The following TALDO1 variants were observed in gnomAD, a reference collection of about 807,000 sequenced individuals.
TALDO1 encodes the protein transaldolase 1, also known as transaldolase.
Under a neutral mutation model 38.1 loss-of-function variants are expected in TALDO1, and 29 were observed. The ratio of observed to expected loss-of-function variants is 0.76; its 90% confidence interval spans 0.57 to 1.04. TALDO1 has a LOEUF of 1.04. Ranked by LOEUF, TALDO1 falls within the 50% of genes least tolerant of loss-of-function variation. The probability of loss-of-function intolerance (pLI) is 0.00; values close to 1 mark genes in which losing one functional copy is unlikely to be tolerated. For synonymous variants in TALDO1, 207 were observed against 176.8 expected, an observed-to-expected ratio of 1.17 and a Z score of -1.36; for missense variants, 499 against 438.1, an observed-to-expected ratio of 1.14 and a Z score of -1.24.
intron 4 of TALDO1, among the ~76,000 whole-genome samples, chr11:762,600 C>T (rs190353914): frequency 2.4e-4 from 37 of 152,360 alleles, no homozygotes; most frequent in Admixed American, 2.1e-3. Flanking sequence ...CTGTCCCCCT[C>T]GAACACCCCC....
In TALDO1 at chr11:756,016, C is replaced by G; in HGVS notation, c.221+14C>G. The G allele has an allele frequency of 6.2e-7, 1 of 1,611,116 alleles. No homozygotes were observed. The highest frequency in any genetic ancestry group is 8.5e-7 in the Non-Finnish European group (1 of 1,179,108). On this transcript the variant is annotated intron_variant, in intron 2 of 7. Coordinates refer to ENST00000319006, the MANE Select transcript of TALDO1 (RefSeq NM_006755.2). Reference sequence around the variant, plus strand: ...GAAGCTGGGCGGGTGAGTGCCTGGACTCGGGAGGGTCCCAGCTAGGCCCTC... The same window carrying G: ...GAAGCTGGGCGGGTGAGTGCCTGGAGTCGGGAGGGTCCCAGCTAGGCCCTC...
At chr11:747,827 C>T (rs1862687301) in intron 1 of TALDO1, among the ~76,000 whole-genome samples, 1 of 151,804 alleles carries the variant, frequency 6.6e-6, no homozygotes, top group Admixed American at 6.6e-5. Flanking sequence ...CCGGGTCGGC[C>T]GTGAGGGAGC....
rs140253879 is a variant in TALDO1 at position 754,356 on chromosome 11, A to C, written c.98-1523A>C. Reference sequence around the variant, plus strand: ...GCTTTATAAAAGGGACCACCAGTACAATTTGAACAAAAACTTGGGACATTG... The same window carrying C: ...GCTTTATAAAAGGGACCACCAGTACCATTTGAACAAAAACTTGGGACATTG... On this transcript the variant is annotated intron_variant, in intron 1 of 7. Coordinates refer to ENST00000319006, the MANE Select transcript of TALDO1 (RefSeq NM_006755.2). Among the ~76,000 whole-genome samples, 220 of 152,324 alleles carry C rather than the reference A, an allele frequency of 1.4e-3. 2 individuals carry two copies. Among genetic ancestry groups the C allele is most frequent in the African/African-American group, 5.2e-3 (216 of 41,578 alleles).
chr11:763,178 T>TGG (rs1233202198), intron 4 of TALDO1, among the ~76,000 whole-genome samples, 166 bp from the exon 5 acceptor site: 1 of 136,574 alleles, frequency 7.3e-6, no homozygotes, highest in South Asian at 2.3e-4. Flanking sequence ...GCACCTGGCC[T>TGG]GCATTCACCT....
At position 747,577 on chromosome 11, in the gene TALDO1, C is replaced by T. The variant is rs138714955; in HGVS notation, c.96C>T (p.His32=). Residue 32 remains histidine (H), a splice_region_variant and synonymous_variant, in exon 1 of 8, where the codon CAC becomes CAT. Transcript: ENST00000319006. ...TTVVADTGDF[H]AIDEYKPQDA... ...TGGTGGCCGACACGGGCGACTTCCACGGTGAGGACGGCGCGGAGCCCGGGC... is the reference window on the plus strand; with the variant it reads ...TGGTGGCCGACACGGGCGACTTCCATGGTGAGGACGGCGCGGAGCCCGGGC... 115 of 1,573,420 alleles carry T rather than the reference C, an allele frequency of 7.3e-5. 2 individuals are homozygous for T. In the African/African-American group the frequency reaches 1.2e-3, roughly 16 times the overall value.
At chr11:749,558 A>G (rs1264178081) in intron 1 of TALDO1, among the ~76,000 whole-genome samples, 1 of 152,178 alleles carries the variant, frequency 6.6e-6, no homozygotes, top group Non-Finnish European at 1.5e-5. Flanking sequence ...TGTGAAGTGA[A>G]GGTTCTTAAC....
chr11:756,661 A>C (rs1862843751), intron 2 of TALDO1, among the ~76,000 whole-genome samples: 1 of 152,008 alleles, frequency 6.6e-6, no homozygotes, highest in African/African-American at 2.4e-5. Context: ...GATTACAGGC[A>C]TGCGCCATCA....
At chr11:753,804 C>T (rs1035349859) in intron 1 of TALDO1, among the ~76,000 whole-genome samples, 2 of 149,878 alleles carry the variant, frequency 1.3e-5, no homozygotes, top group African/African-American at 2.5e-5. Flanking sequence ...CTACTGAGGA[C>T]GCTGAGGTAG....
At chr11:763,197 CT>C in intron 4 of TALDO1, 146 bp from the exon 5 acceptor site, 31 of 302,610 alleles carry the variant, frequency 1.0e-4, no homozygotes, top group Non-Finnish European at 1.2e-4. Flanking sequence ...CTGCCCCGCC[CT>C]CACCTGCCCC....
intron 3 of TALDO1, among the ~76,000 whole-genome samples, chr11:759,292 C>T (rs959817536): frequency 4.6e-5 from 7 of 152,276 alleles, no homozygotes; most frequent in African/African-American, 1.4e-4. Context: ...GATGGAGTCT[C>T]GCACTGTCAC....
rs1192006917 is a variant in TALDO1, at chr11:753,274, G to GGGGT, written c.98-2605_98-2604insGGGT. Among the ~76,000 whole-genome samples, 395 of 152,134 alleles carry GGGGT rather than the reference G, an allele frequency of 2.6e-3. 3 individuals are homozygous for GGGGT. Among genetic ancestry groups the GGGGT allele is most frequent in the African/African-American group, 9.1e-3 (377 of 41,512 alleles). The stretch of plus-strand genomic sequence containing the variant: ...AGGCCGGGTGTGGTGGCTCACACCT[G>GGGGT]TAACCCCAGCACTTTGGGAGGCTGA... On this transcript the variant is annotated intron_variant, in intron 1 of 7. Coordinates refer to ENST00000319006, the MANE Select transcript of TALDO1 (RefSeq NM_006755.2).
At chr11:757,179 CCT>C (rs1040965116) in intron 2 of TALDO1, among the ~76,000 whole-genome samples, 8 of 152,128 alleles carry the variant, frequency 5.3e-5, no homozygotes, top group African/African-American at 1.7e-4. Context: ...GTGTTGCACC[CCT>C]GTGGCATCAG....
intron 3 of TALDO1, 21 bp downstream of exon 3, chr11:759,078 A>C: frequency 6.3e-7 from 1 of 1,594,618 alleles, no homozygotes; most frequent in Non-Finnish European, 8.6e-7. Context: ...TTGCTCCTGC[A>C]CTGGATGGGC....
chr11:750,543 G>T (rs958540149), intron 1 of TALDO1, among the ~76,000 whole-genome samples: 1 of 151,814 alleles, frequency 6.6e-6, no homozygotes, highest in South Asian at 2.1e-4. Flanking sequence ...TGTGAACTTC[G>T]GCCGGGTGTG....
Position 763,950 on chromosome 11 carries a change from GC to G in TALDO1, c.835+10del. On this transcript the variant is annotated splice_region_variant and intron_variant, in intron 6 of 7. Transcript: ENST00000319006. ...TGTGCTCTCAGCCAAGGCGGGTGAG[GC>G]CCCACTGCCCAGCTGTGGCTCCTGC... 6.2e-7 allele frequency: 1 copy of G among 1,605,876 alleles called. No homozygotes were observed.
intron 1 of TALDO1, among the ~76,000 whole-genome samples, chr11:754,932 G>A (rs1458449205): frequency 1.3e-5 from 2 of 151,942 alleles, no homozygotes; most frequent in East Asian, 1.9e-4. Flanking sequence ...TACCACACCT[G>A]GCTAATTTAG....
At chr11:761,284 C>T (rs1436378740) in intron 4 of TALDO1, among the ~76,000 whole-genome samples, 4 of 145,776 alleles carry the variant, frequency 2.7e-5, no homozygotes, top group African/African-American at 1.0e-4. Context: ...TGCAGTGAGC[C>T]GAGATTGCAC....
chr11:753,776 G>A (rs1196075909), intron 1 of TALDO1, among the ~76,000 whole-genome samples: 3 of 151,644 alleles, frequency 2.0e-5, no homozygotes, highest in Non-Finnish European at 2.9e-5. Context: ...GCATCATGGT[G>A]TGAGCCTGTA....
chr11:755,683 C>T (rs1590068806), intron 1 of TALDO1, 196 bp from the exon 2 acceptor site: 3 of 705,802 alleles, frequency 4.3e-6, no homozygotes, highest in Non-Finnish European at 7.2e-6. Flanking sequence ...GTTTGTTGTT[C>T]CATCATTATG....
Sources: gnomAD v4.1 joint callset for allele counts (sites outside exome capture counted in the v4.1 genomes callset) on GRCh38, gnomAD v4.1.1 for gene constraint, MANE v1.5 for transcripts, NCBI Gene and HGNC (gene_info 2026-07-23, HGNC 2026-07-21) for gene names.